Variants in CEP83 observed in about 807,000 individuals in gnomAD.
The protein encoded by CEP83 is centrosomal protein of 83 kDa.
Under a neutral mutation model 101.9 loss-of-function variants are expected in CEP83, and 70 were observed. The ratio of observed to expected loss-of-function variants is 0.69; its 90% CI spans 0.57 to 0.84. CEP83 has a LOEUF of 0.84. CEP83 is among the 40% of genes least tolerant of loss of function. CEP83 has a pLI of 0.00. For missense variants in CEP83, 715 were observed against 787.2 expected (o/e 0.91, Z 1.10); for synonymous variants, 264 against 267.9 (o/e 0.99, Z 0.14).
chr12:94,430,636 T>G (rs1180070802), intron 2 of CEP83, among the ~76,000 whole-genome samples: 2 of 152,106 alleles, frequency 1.3e-5, no homozygotes, highest in Non-Finnish European at 2.9e-5. Flanking sequence ...ACAAGGCAAC[T>G]AAATATTCTC....
At chr12:94,327,195 C>T (rs1176098873) in intron 14 of CEP83, among the ~76,000 whole-genome samples, 2 of 152,162 alleles carry the variant, frequency 1.3e-5, no homozygotes, top group Non-Finnish European at 1.5e-5. Flanking sequence ...AACAATATGA[C>T]ACAAAGGACT....
intron 6 of CEP83, among the ~76,000 whole-genome samples, chr12:94,399,109 T>C (rs2063091424): frequency 6.6e-6 from 1 of 152,214 alleles, no homozygotes; most frequent in South Asian, 2.1e-4. Context: ...TGCCTTTTGA[T>C]CTTTGTTCTC....
downstream of CEP83, chr12:94,306,148 T>C (rs959671112): frequency 2.0e-5 from 3 of 152,244 alleles, no homozygotes; most frequent in East Asian, 1.9e-4. Context: ...GAAGAGTAAC[T>C]CCATTTCTAT....
the CEP83 span, among the ~76,000 whole-genome samples, chr12:94,285,065 G>A: frequency 1.3e-5 from 2 of 152,100 alleles, no homozygotes; most frequent in African/African-American, 4.8e-5. Context: ...GACACCACAA[G>A]TCACGTGGAT....
At chr12:94,342,660 C>T (rs918488960) in intron 11 of CEP83, among the ~76,000 whole-genome samples, 1 of 151,938 alleles carries the variant, frequency 6.6e-6, no homozygotes, top group African/African-American at 2.4e-5. Flanking sequence ...CTAAACGCTA[C>T]ATATAAAACA....
At chr12:94,373,398 A>G (rs1167020657) in intron 8 of CEP83, among the ~76,000 whole-genome samples, 2 of 152,224 alleles carry the variant, frequency 1.3e-5, no homozygotes, top group African/African-American at 4.8e-5. Flanking sequence ...TCACAGAAAG[A>G]CACACAAGAG....
intron 11 of CEP83, among the ~76,000 whole-genome samples, chr12:94,364,797 A>G (rs554030444): frequency 2.4e-4 from 37 of 152,320 alleles, no homozygotes; most frequent in Middle Eastern, 6.8e-3. Flanking sequence ...GTTTTTAATA[A>G]AAGTGTGGGA....
chr12:94,278,031 G>A, the CEP83 span: 62 of 455,816 alleles, frequency 1.4e-4, no homozygotes, highest in Admixed American at 6.8e-4. Flanking sequence ...ACAGTACTTG[G>A]GGACCTCCTC....
intron 11 of CEP83, among the ~76,000 whole-genome samples, chr12:94,339,701 G>A (rs1312759975): frequency 6.6e-6 from 1 of 152,192 alleles, no homozygotes; most frequent in Non-Finnish European, 1.5e-5. Flanking sequence ...AGTCTCATGA[G>A]AATGGCAGTA....
chr12:94,374,154 A>C (rs2061420399), intron 8 of CEP83, among the ~76,000 whole-genome samples: 1 of 152,222 alleles, frequency 6.6e-6, no homozygotes. Context: ...TCTAAGAGGA[A>C]AGAGCAATAG....
chr12:94,417,226 G>A (rs2064346452), intron 2 of CEP83, among the ~76,000 whole-genome samples: 1 of 152,068 alleles, frequency 6.6e-6, no homozygotes, highest in African/African-American at 2.4e-5. Context: ...GGCTAAGGTA[G>A]GAGGATTGCT....
chr12:94,296,906 C>T, the CEP83 span, among the ~76,000 whole-genome samples: 2 of 152,148 alleles, frequency 1.3e-5, no homozygotes, highest in African/African-American at 4.8e-5. Context: ...GTTCTAGGTA[C>T]ATTTGTTAAA....
At chr12:94,374,277 C>G (rs1170339264) in intron 8 of CEP83, among the ~76,000 whole-genome samples, 1 of 152,082 alleles carries the variant, frequency 6.6e-6, no homozygotes, top group Non-Finnish European at 1.5e-5. Context: ...TGGTGGCCCC[C>G]CCAAGAGAGA....
chr12:94,367,997 C>T, intron 10 of CEP83, 54 bp from the exon 11 acceptor site: 1 of 1,603,014 alleles, frequency 6.2e-7, no homozygotes, highest in African/African-American at 1.3e-5. Context: ...GATGATATGA[C>T]AGCAAAATGT....
At chr12:94,453,967 T>C (rs113165923) in intron 1 of CEP83, among the ~76,000 whole-genome samples, 39,133 of 151,832 alleles carry the variant, frequency 0.26, 5,250 homozygotes, top group African/African-American at 0.33. Flanking sequence ...CATGGTTGCA[T>C]GTGCCTGTAG....
In CEP83 at chr12:94,333,508, A is replaced by G; in HGVS notation, c.1551T>C (p.Ala517=). The change falls in exon 13 of 17, where the codon GCT becomes GCC. Residue 517 remains alanine, a synonymous_variant. Transcript: ENST00000397809. Reference sequence around the variant, plus strand: ...TTTCAGCTTCTAGTTGCGCTTTTTCAGCTTGGCTTCTAAAATTTCGGCATT... The same window carrying G: ...TTTCAGCTTCTAGTTGCGCTTTTTCGGCTTGGCTTCTAAAATTTCGGCATT... ...KQECRNFRSQ[A]EKAQLEAEKT... The G allele has an allele frequency of 6.2e-7, 1 of 1,613,306 alleles. No homozygotes were observed. The highest frequency in any genetic ancestry group is 8.5e-7 in the Non-Finnish European group (1 of 1,179,696).
At chr12:94,345,034 G>A (rs996793567) in intron 11 of CEP83, among the ~76,000 whole-genome samples, 2 of 152,110 alleles carry the variant, frequency 1.3e-5, no homozygotes, top group East Asian at 3.8e-4. Context: ...GGAAAAGATA[G>A]TCTTCAAAAA....
intron 6 of CEP83, among the ~76,000 whole-genome samples, chr12:94,391,998 T>C (rs1449171641): frequency 1.3e-5 from 2 of 152,096 alleles, no homozygotes; most frequent in Non-Finnish European, 2.9e-5. Flanking sequence ...AGTAAGTCCT[T>C]AGAGACCTAC....
intron 6 of CEP83, among the ~76,000 whole-genome samples, chr12:94,394,547 T>C (rs1372615656): frequency 1.3e-5 from 2 of 152,152 alleles, no homozygotes; most frequent in Non-Finnish European, 2.9e-5. Flanking sequence ...GGCAATACCA[T>C]TCAGGACATA....
Sources: allele counts gnomAD v4.1 joint callset (sites outside exome capture counted in the v4.1 genomes callset), GRCh38; gene constraint gnomAD v4.1.1; transcripts MANE v1.5; gene names NCBI Gene and HGNC (gene_info 2026-07-23, HGNC 2026-07-21).